Variants in HBS1L observed in about 807,000 individuals in gnomAD.
The protein encoded by HBS1L is HBS1-like protein.
HBS1L carries 55 observed loss-of-function variants against 88.9 expected under a neutral mutation model. That is an observed-to-expected ratio of 0.62 (90% CI 0.50 to 0.77). The LOEUF (loss-of-function observed/expected upper bound fraction) is 0.77, where lower values mean the gene tolerates loss of function less well. Among genes scored for constraint, HBS1L ranks in the 30% least tolerant of loss-of-function variants. The probability of loss-of-function intolerance (pLI) is 0.00; values close to 1 mark genes in which losing one functional copy is unlikely to be tolerated. For missense variants in HBS1L, 741 were observed against 829.3 expected (o/e 0.89, Z 1.31); for synonymous variants, 267 against 288.5 (o/e 0.93, Z 0.76).
At chr6:135,035,179 G>A (rs1209567297) in intron 4 of HBS1L, among the ~76,000 whole-genome samples, 3 of 152,206 alleles carry the variant, frequency 2.0e-5, no homozygotes, top group Admixed American at 6.5e-5. Context: ...TAGGCCGGGC[G>A]TGGTGGCTCA....
chr6:134,986,241 T>C, intron 10 of HBS1L, 58 bp from the exon 11 acceptor site: 3 of 872,208 alleles, frequency 3.4e-6, no homozygotes, highest in Non-Finnish European at 5.7e-6. Context: ...CATTAAAAGA[T>C]TCACCATTAC....
intron 16 of HBS1L, among the ~76,000 whole-genome samples, chr6:134,968,990 A>G (rs958834936): frequency 2.6e-5 from 4 of 152,172 alleles, no homozygotes; most frequent in African/African-American, 9.7e-5. Context: ...TTATATTTAC[A>G]TTTATTTATA....
At chr6:134,972,249 A>C (rs1774511895) in intron 15 of HBS1L, among the ~76,000 whole-genome samples, 2 of 152,212 alleles carry the variant, frequency 1.3e-5, no homozygotes, top group South Asian at 4.1e-4. Context: ...GTGGCCAAGT[A>C]AATCATTTTC....
At chr6:134,978,623 G>A (rs533947352) in intron 15 of HBS1L, 56 bp downstream of exon 15, 1 of 955,944 alleles carries the variant, frequency 1.0e-6, no homozygotes, top group South Asian at 1.6e-5. Flanking sequence ...CCACTTTTAG[G>A]ATAAAGTTAC....
intron 8 of HBS1L, among the ~76,000 whole-genome samples, chr6:134,988,099 C>G (rs752712241): frequency 2.0e-5 from 3 of 152,146 alleles, no homozygotes; most frequent in Non-Finnish European, 4.4e-5. Flanking sequence ...CACAGTGGCT[C>G]ACGCCTATAA....
rs182949544 is a variant in HBS1L, at chr6:134,972,895, T to A, written c.1798-3557A>T. 6.6e-3 allele frequency among the ~76,000 whole-genome samples: 1,011 copies of A among 152,344 alleles called. 5 individuals are homozygous for A. The highest frequency in any genetic ancestry group is 0.012 in the Non-Finnish European group (813 of 68,024). The stretch of plus-strand genomic sequence containing the variant: ...AACAACTATTAGTTTGCCTATTATA[T>A]TTTTAAAATCCCTCTCCCACACCCC... On this transcript the variant is annotated intron_variant, in intron 15 of 17. Transcript: ENST00000367837.
In HBS1L at chr6:134,964,914, GAATCAA is replaced by G. The variant is rs1416387569; in HGVS notation, c.*359_*364del. 4.6e-6 allele frequency: 1 copy of G among 215,126 alleles called. No homozygotes were observed. Among genetic ancestry groups the G allele is most frequent in the African/African-American group, 2.4e-5 (1 of 41,438 alleles). 13.3% of individuals were successfully genotyped at this position (215,126 alleles called of 1,614,324 possible). A position where few individuals can be genotyped will look rare whatever the true frequency, so the allele number is the denominator to read the frequency against. ...TCCTTAAAACATGTGCAGTATAATTGAATCAAAAGAGAAAACTGCAAATACATTGTG... is the reference window on the plus strand; with the variant it reads ...TCCTTAAAACATGTGCAGTATAATTGAAGAGAAAACTGCAAATACATTGTG... On this transcript the variant is annotated 3_prime_UTR_variant, in exon 18 of 18. Transcript: ENST00000367837.
At chr6:135,034,380 A>C (rs1050541696) in intron 4 of HBS1L, among the ~76,000 whole-genome samples, 2 of 152,230 alleles carry the variant, frequency 1.3e-5, no homozygotes, top group African/African-American at 2.4e-5. Flanking sequence ...GTGGTGGCTC[A>C]CACTTGTAAT....
chr6:135,041,995 C>T lies in HBS1L; in HGVS notation c.235+6G>A, dbSNP rs1171488360. 1 of 1,610,608 alleles carries T rather than the reference C, an allele frequency of 6.2e-7. No homozygotes were observed. The highest frequency in any genetic ancestry group is 8.5e-7 in the Non-Finnish European group (1 of 1,178,558). On this transcript the variant is annotated splice_donor_region_variant and intron_variant, in intron 3 of 17. Coordinates refer to ENST00000367837, the MANE Select transcript of HBS1L (RefSeq NM_006620.4). Reference sequence around the variant, plus strand: ...CAGATAACAGATACACTACTTTTTGCTATACCTTGATCAAATCCACTGAGC... The same window carrying T: ...CAGATAACAGATACACTACTTTTTGTTATACCTTGATCAAATCCACTGAGC...
At chr6:134,988,225 G>A (rs200483421) in intron 8 of HBS1L, among the ~76,000 whole-genome samples, 6 of 151,828 alleles carry the variant, frequency 4.0e-5, no homozygotes, top group East Asian at 1.9e-4. Context: ...TTAGCCGGGT[G>A]TGGTGGTGCA....
intron 4 of HBS1L, among the ~76,000 whole-genome samples, chr6:135,015,988 A>G (rs1351262760): frequency 6.7e-6 from 1 of 149,472 alleles, no homozygotes; most frequent in Non-Finnish European, 1.5e-5. Flanking sequence ...TGGGTTCAAG[A>G]GATTCTCCTG....
chr6:135,018,688 C>T (rs1434406272), intron 4 of HBS1L, among the ~76,000 whole-genome samples: 2 of 151,766 alleles, frequency 1.3e-5, no homozygotes, highest in Non-Finnish European at 3.0e-5. Flanking sequence ...TGACTGAAAA[C>T]TTTGTTGGAC....
intron 13 of HBS1L, among the ~76,000 whole-genome samples, chr6:134,979,746 C>T (rs748788006): frequency 2.0e-5 from 3 of 151,988 alleles, no homozygotes; most frequent in Non-Finnish European, 4.4e-5. Context: ...CCAAGTAACC[C>T]ATGGGACATG....
At chr6:134,973,128 T>C (rs910250327) in intron 15 of HBS1L, among the ~76,000 whole-genome samples, 18 of 152,232 alleles carry the variant, frequency 1.2e-4, no homozygotes, top group African/African-American at 4.1e-4. Context: ...GGAATCTCAA[T>C]AGATACTTGT....
intron 2 of HBS1L, among the ~76,000 whole-genome samples, chr6:135,049,920 G>A (rs959745812): frequency 6.6e-6 from 1 of 152,220 alleles, no homozygotes; most frequent in African/African-American, 2.4e-5. Flanking sequence ...GTAGACAGTA[G>A]GCTGAAATTT....
chr6:134,998,148 T>C (rs1406704017), intron 5 of HBS1L, among the ~76,000 whole-genome samples: 1 of 152,224 alleles, frequency 6.6e-6, no homozygotes, highest in Non-Finnish European at 1.5e-5. Context: ...ATAAACATTT[T>C]TGACAGTGGA....
At chr6:134,982,595 C>T (rs1583070304) in intron 12 of HBS1L, 33 bp from the exon 13 acceptor site, 1 of 1,243,440 alleles carries the variant, frequency 8.0e-7, no homozygotes, top group Non-Finnish European at 1.2e-6. Context: ...ATGGTTCATA[C>T]AGCAATGTTA....
chr6:135,052,742 C>T (rs1777127625), intron 1 of HBS1L, among the ~76,000 whole-genome samples: 1 of 152,004 alleles, frequency 6.6e-6, no homozygotes, highest in Non-Finnish European at 1.5e-5. Flanking sequence ...AAATATTTAC[C>T]ACATGTAAAG....
intron 13 of HBS1L, among the ~76,000 whole-genome samples, chr6:134,980,287 C>A (rs1774790647): frequency 6.6e-6 from 1 of 151,966 alleles, no homozygotes; most frequent in African/African-American, 2.4e-5. Context: ...AGCTCTGAGA[C>A]AATCTAGAGT....
Sources: allele counts gnomAD v4.1 joint callset (sites outside exome capture counted in the v4.1 genomes callset), GRCh38; gene constraint gnomAD v4.1.1; transcripts MANE v1.5; gene names NCBI Gene and HGNC (gene_info 2026-07-23, HGNC 2026-07-21).